The following DPYSL2 variants were observed in gnomAD, a reference collection of about 807,000 sequenced individuals.
The protein encoded by DPYSL2 is dihydropyrimidinase like 2, also known as dihydropyrimidinase-related protein 2.
Under a neutral mutation model 69.9 loss-of-function variants are expected in DPYSL2, and 13 were observed. The ratio of observed to expected loss-of-function variants is 0.19; its 90% CI spans 0.12 to 0.30. The LOEUF is 0.30. Ranked by LOEUF, DPYSL2 falls within the 10% of genes least tolerant of loss-of-function variation. The probability of loss-of-function intolerance (pLI) is 1.00; values close to 1 mark genes in which losing one functional copy is unlikely to be tolerated. For missense variants in DPYSL2, 587 were observed against 918.9 expected, an observed-to-expected ratio of 0.64 and a Z score of 4.67; for synonymous variants, 326 against 359.1, an observed-to-expected ratio of 0.91 and a Z score of 1.04.
In DPYSL2 at chr8:26,648,318, C is replaced by T. The variant is rs1286390614; in HGVS notation, c.1596+518C>T. Among the ~76,000 whole-genome samples the T allele has an allele frequency of 6.6e-6, 1 of 152,166 alleles. No individual in the cohort carries two copies. Among genetic ancestry groups the T allele is most frequent in the Non-Finnish European group, 1.5e-5 (1 of 68,030 alleles). On this transcript the variant is annotated intron_variant, in intron 11 of 13. Transcript: ENST00000521913. This position sits in a 1 kb window ranked among gnomAD's most constrained non-coding sequence, Gnocchi z 4.3. Reference sequence around the variant, plus strand: ...CTGACTTCTCCCTAACAGAAGTACCCCCCAGCCATTTGATTGTTGTTTTAG... The same window carrying T: ...CTGACTTCTCCCTAACAGAAGTACCTCCCAGCCATTTGATTGTTGTTTTAG...
At chr8:26,625,847 A>G (rs544998315) in intron 4 of DPYSL2, among the ~76,000 whole-genome samples, 10 of 152,348 alleles carry the variant, frequency 6.6e-5, no homozygotes, top group African/African-American at 2.4e-4. Context: ...TCAAGTTACC[A>G]TCTTAACCAT....
chr8:26,653,339 T>G lies in DPYSL2; in HGVS notation c.1884T>G (p.Pro628=). Residue 628 remains proline (P), a synonymous_variant, in exon 13 of 14, where the codon CCT becomes CCG. Transcript: ENST00000521913. This position sits in a 1 kb window ranked among gnomAD's most constrained non-coding sequence, Gnocchi z 5.7. Reference sequence around the variant, plus strand: ...CAGCCTCCTCGGCCAAGACGTCTCCTGCCAAGCAGCAGGCCCCACCTGTCC... The same window carrying G: ...CAGCCTCCTCGGCCAAGACGTCTCCGGCCAAGCAGCAGGCCCCACCTGTCC... ...VTPASSAKTS[P]AKQQAPPVRN... is the part of the protein sequence containing the mutation. 6 of 1,614,122 alleles carry G rather than the reference T, an allele frequency of 3.7e-6. No homozygotes were observed. The highest frequency in any genetic ancestry group is 5.1e-6 in the Non-Finnish European group (6 of 1,180,026).
chr8:26,623,356 GAC>G (rs1802540808), intron 3 of DPYSL2, among the ~76,000 whole-genome samples: 1 of 152,176 alleles, frequency 6.6e-6, no homozygotes, highest in African/African-American at 2.4e-5. Flanking sequence ...ATCAGGGAAT[GAC>G]ATAAGATTGA....
chr8:26,653,836 G>A lies in DPYSL2; in HGVS notation c.1942+439G>A, dbSNP rs541962493. Among the ~76,000 whole-genome samples the A allele has an allele frequency of 6.6e-6, 1 of 152,298 alleles. No homozygotes were observed. The highest frequency in any genetic ancestry group is 6.5e-5 in the Admixed American group (1 of 15,304). ...CTCCCAAAGTGCTGGGATTACAGGT[G>A]TGAGCCACCGGGCCCAGCCTAGCTT... On this transcript the variant is annotated intron_variant, in intron 13 of 13. Coordinates refer to ENST00000521913, the MANE Select transcript of DPYSL2 (RefSeq NM_001197293.3). The surrounding 1 kb of genome is among the most constrained non-coding windows in gnomAD (Gnocchi z 5.7).
At chr8:26,547,659 A>G (rs554186489) in intron 1 of DPYSL2, 6 of 160,928 alleles carry the variant, frequency 3.7e-5, no homozygotes, top group South Asian at 3.6e-4. Flanking sequence ...GGACTTTAAT[A>G]AAGAATCAGG....
chr8:26,546,940 A>G (rs1332842892), intron 1 of DPYSL2, among the ~76,000 whole-genome samples: 2 of 150,006 alleles, frequency 1.3e-5, no homozygotes, highest in Admixed American at 6.6e-5. Context: ...AAAAAAAAAA[A>G]AAAAAAAAAA....
At chr8:26,575,496 T>C (rs1801312646) in intron 1 of DPYSL2, among the ~76,000 whole-genome samples, 1 of 152,210 alleles carries the variant, frequency 6.6e-6, no homozygotes, top group South Asian at 2.1e-4. Flanking sequence ...TTTAAACCAT[T>C]TGTTTGGTAT....
chr8:26,629,664 G>A (rs1299065095), intron 7 of DPYSL2, among the ~76,000 whole-genome samples: 1 of 152,244 alleles, frequency 6.6e-6, no homozygotes, highest in African/African-American at 2.4e-5. Flanking sequence ...CGTGGCTGGT[G>A]GACAGTGATT....
At chr8:26,592,835 G>C (rs1328086393) in intron 3 of DPYSL2, among the ~76,000 whole-genome samples, 1 of 152,106 alleles carries the variant, frequency 6.6e-6, no homozygotes, top group Middle Eastern at 3.2e-3. Context: ...TGTGTTTTCT[G>C]ACTTAACCAT....
chr8:26,607,482 CAA>C (rs543475606), intron 3 of DPYSL2, among the ~76,000 whole-genome samples: 15 of 105,818 alleles, frequency 1.4e-4, no homozygotes, highest in East Asian at 2.8e-4. Flanking sequence ...GACTCTGTCT[CAA>C]AAAAAAAAAA....
Position 26,565,633 on chromosome 8 carries a change from G to A in DPYSL2, c.355-16336G>A, listed in dbSNP as rs542336683. ...AAATTCAAACAGGATTAAGTTAGGA[G>A]TTGTGGTAGAAAGAATACTGCTGCT... On this transcript the variant is annotated intron_variant, in intron 1 of 13. Transcript: ENST00000521913. This position sits in a 1 kb window ranked among gnomAD's most constrained non-coding sequence, Gnocchi z 4.1. 6.6e-6 allele frequency among the ~76,000 whole-genome samples: 1 copy of A among 152,324 alleles called. No homozygotes were observed. The highest frequency in any genetic ancestry group is 2.4e-5 in the African/African-American group (1 of 41,566).
At chr8:26,518,339 TG>T (rs1330211438) in intron 1 of DPYSL2, among the ~76,000 whole-genome samples, 5 of 152,174 alleles carry the variant, frequency 3.3e-5, no homozygotes, top group Non-Finnish European at 7.4e-5. Flanking sequence ...AGGAGGAAAG[TG>T]GGGGTGGGGG....
chr8:26,529,021 G>A (rs1297351830), intron 1 of DPYSL2, among the ~76,000 whole-genome samples: 1 of 152,092 alleles, frequency 6.6e-6, no homozygotes, highest in Non-Finnish European at 1.5e-5. Flanking sequence ...TAGTTGGTTT[G>A]CATATGAAAG....
chr8:26,553,559 C>T (rs71519605), intron 1 of DPYSL2, among the ~76,000 whole-genome samples: 8,803 of 152,204 alleles, frequency 0.058, 323 homozygotes, highest in Non-Finnish European at 0.08. Flanking sequence ...GACATGATCT[C>T]GTTCTTTTTT....
chr8:26,514,478 C>G lies in DPYSL2; in HGVS notation c.153C>G (p.Asp51Glu). 2 of 1,528,750 alleles carry G rather than the reference C, an allele frequency of 1.3e-6. No individual in the cohort carries two copies. The highest frequency in any genetic ancestry group is 1.7e-6 in the Non-Finnish European group (2 of 1,144,320). The allele number at this position is 1,528,750 out of a possible 1,614,324, so 94.7% of individuals were successfully genotyped here. A position where few individuals can be genotyped will look rare whatever the true frequency, so the allele number is the denominator to read the frequency against. The stretch of plus-strand genomic sequence containing the variant: ...GGTCCTCGGAGAACAAGACCATCGA[C>G]TTCGACTCGCTGTCGGTGGGCCGGG... ...VEGSSENKTIDFDSLSVGRGS... is the reference protein window; with the variant it reads ...VEGSSENKTIEFDSLSVGRGS... The change falls in exon 1 of 14, where the codon GAC becomes GAG. Residue 51 changes from aspartate (D) to glutamate (E), a missense_variant. Physicochemically the swap from Asp to Glu is conservative, Grantham distance 45 (BLOSUM62 2). This residue lies in a region of DPYSL2 where 50 missense variants were observed against 86.8 expected (regional missense o/e 0.58). Coordinates refer to ENST00000521913, the MANE Select transcript of DPYSL2 (RefSeq NM_001197293.3). The surrounding 1 kb of genome is among the most constrained non-coding windows in gnomAD (Gnocchi z 8.4).
intron 3 of DPYSL2, among the ~76,000 whole-genome samples, chr8:26,607,482 C>CAA (rs543475606): frequency 0.03 from 3,189 of 105,816 alleles, 117 homozygotes; most frequent in African/African-American, 0.11. Context: ...GACTCTGTCT[C>CAA]AAAAAAAAAA....
chr8:26,578,500 A>G, intron 1 of DPYSL2: 2 of 1,433,578 alleles, frequency 1.4e-6, no homozygotes, highest in East Asian at 2.5e-5. Context: ...GCAAGGCATT[A>G]AACAGGAGCG....
intron 1 of DPYSL2, chr8:26,578,302 G>T: frequency 1.2e-6 from 2 of 1,614,092 alleles, no homozygotes; most frequent in Non-Finnish European, 1.7e-6. Flanking sequence ...CGGTGAGTTT[G>T]GTACTTGGGA....
At chr8:26,638,439 T>C (rs1477529702) in intron 8 of DPYSL2, among the ~76,000 whole-genome samples, 1 of 152,186 alleles carries the variant, frequency 6.6e-6, no homozygotes, top group East Asian at 1.9e-4. Flanking sequence ...TGGTCCAGAA[T>C]CTAAGACAAG....
Sources: gnomAD v4.1 joint callset for allele counts (sites outside exome capture counted in the v4.1 genomes callset) on GRCh38, gnomAD v4.1.1 for gene constraint, gnomAD v4.1.1 regional missense constraint, Gnocchi (gnomAD v3.1) non-coding constraint, MANE v1.5 for transcripts, NCBI Gene and HGNC (gene_info 2026-07-23, HGNC 2026-07-21) for gene names.